Variants in THSD4 observed in about 807,000 individuals in gnomAD.
The protein encoded by THSD4 is thrombospondin type 1 domain containing 4, also known as thrombospondin type-1 domain-containing protein 4.
THSD4 carries 69 observed loss-of-function variants against 119.0 expected under a neutral mutation model. The ratio of observed to expected loss-of-function variants is 0.58; its 90% confidence interval spans 0.48 to 0.71. The LOEUF is 0.71. Ranked by LOEUF, THSD4 falls within the 30% of genes least tolerant of loss-of-function variation. THSD4 has a pLI of 0.00. For synonymous variants in THSD4, 524 were observed against 540.4 expected (o/e 0.97, Z 0.42); for missense variants, 1,393 against 1,391.1 (o/e 1.00, Z -0.02).
chr15:71,277,306 A>G (rs183481239), intron 6 of THSD4, among the ~76,000 whole-genome samples: 166 of 152,010 alleles, frequency 1.1e-3, no homozygotes, highest in African/African-American at 3.8e-3. Context: ...TTGTATTTGT[A>G]GTAGAGACAG....
At chr15:71,377,907 CACACACAA>C (rs1437565183) in intron 6 of THSD4, among the ~76,000 whole-genome samples, 2 of 86,314 alleles carry the variant, frequency 2.3e-5, no homozygotes, top group Non-Finnish European at 4.9e-5. Flanking sequence ...CACACACACA[CACACACAA>C]TTTCCTTCAG....
At chr15:71,375,040 A>G (rs934693792) in intron 6 of THSD4, among the ~76,000 whole-genome samples, 7 of 152,216 alleles carry the variant, frequency 4.6e-5, no homozygotes, top group African/African-American at 9.6e-5. Flanking sequence ...AGACAAATCC[A>G]CATCTCCTCA....
intron 7 of THSD4, among the ~76,000 whole-genome samples, chr15:71,639,196 T>C (rs1942007744): frequency 6.6e-6 from 1 of 152,208 alleles, no homozygotes; most frequent in Admixed American, 6.5e-5. Context: ...ACATCAATAA[T>C]GGCTAACAGA....
At chr15:71,109,261 C>T (rs975652257) in intron 1 of THSD4, among the ~76,000 whole-genome samples, 2 of 152,128 alleles carry the variant, frequency 1.3e-5, no homozygotes, top group Non-Finnish European at 2.9e-5. Flanking sequence ...CAAGACACAT[C>T]GTGGGGAGTT....
chr15:71,166,164 G>A (rs903275618), intron 3 of THSD4, among the ~76,000 whole-genome samples: 7 of 152,250 alleles, frequency 4.6e-5, no homozygotes, highest in African/African-American at 1.7e-4. Flanking sequence ...CTAGGGAATA[G>A]GGTACCTGAT....
At chr15:71,386,000 A>T (rs527929699) in intron 6 of THSD4, among the ~76,000 whole-genome samples, 42 of 152,342 alleles carry the variant, frequency 2.8e-4, no homozygotes, top group African/African-American at 9.1e-4. Flanking sequence ...GAGGAAAGTG[A>T]TGCTTAAGTA....
intron 7 of THSD4, among the ~76,000 whole-genome samples, chr15:71,490,566 A>AAAG (rs1289823462): frequency 1.7e-4 from 26 of 149,478 alleles, no homozygotes; most frequent in African/African-American, 6.4e-4. Context: ...TCTCAAAAAA[A>AAAG]AAAAAAAAAA....
intron 7 of THSD4, among the ~76,000 whole-genome samples, chr15:71,473,457 G>T (rs2047612501): frequency 6.6e-6 from 1 of 152,188 alleles, no homozygotes; most frequent in Non-Finnish European, 1.5e-5. Flanking sequence ...CCTGAGCACG[G>T]AATTACTTGG....
intron 8 of THSD4, among the ~76,000 whole-genome samples, chr15:71,713,141 T>C (rs184835436): frequency 2.3e-3 from 344 of 152,340 alleles, no homozygotes; most frequent in African/African-American, 7.7e-3. Flanking sequence ...AAACAGTGAC[T>C]GGAATCGTCT....
At chr15:71,476,353 T>C (rs2047655156) in intron 7 of THSD4, among the ~76,000 whole-genome samples, 1 of 152,196 alleles carries the variant, frequency 6.6e-6, no homozygotes, top group African/African-American at 2.4e-5. Flanking sequence ...TGCCTCAGCC[T>C]CCAGAGTAGT....
intron 8 of THSD4, among the ~76,000 whole-genome samples, chr15:71,679,605 A>T (rs983197545): frequency 6.6e-6 from 1 of 152,384 alleles, no homozygotes; most frequent in African/African-American, 2.4e-5. Context: ...AGAAGGAAGA[A>T]TGTGAGGCAT....
chr15:71,142,202 G>A (rs916768359), intron 2 of THSD4, among the ~76,000 whole-genome samples: 6 of 151,856 alleles, frequency 4.0e-5, no homozygotes, highest in East Asian at 1.9e-4. Context: ...TTTCACCTGC[G>A]TTTTAAAATT....
At chr15:71,207,581 C>T (rs1176595331) in intron 3 of THSD4, among the ~76,000 whole-genome samples, 1 of 152,194 alleles carries the variant, frequency 6.6e-6, no homozygotes, top group Non-Finnish European at 1.5e-5. Flanking sequence ...CAGTACTGGG[C>T]CGCAGCCTGT....
chr15:71,183,493 G>A (rs766081194), intron 3 of THSD4, among the ~76,000 whole-genome samples: 8 of 151,732 alleles, frequency 5.3e-5, no homozygotes, highest in Admixed American at 1.3e-4. Context: ...TAAAATGAGG[G>A]TGATAATAGT....
upstream of THSD4, chr15:71,111,132 C>T: frequency 6.3e-7 from 1 of 1,595,982 alleles, no homozygotes; most frequent in Non-Finnish European, 8.5e-7. Flanking sequence ...TTGTCTTGTA[C>T]CAGGTAACAA....
intron 7 of THSD4, among the ~76,000 whole-genome samples, chr15:71,552,948 A>C (rs1229908659): frequency 6.6e-6 from 1 of 152,214 alleles, no homozygotes; most frequent in Non-Finnish European, 1.5e-5. Flanking sequence ...ATTTTTTTAC[A>C]TTATAAAAAC....
Position 71,215,327 on chromosome 15 carries a change from G to A in THSD4, c.392G>A (p.Arg131His), listed in dbSNP as rs1197511713. The change falls in exon 4 of 18, where the codon CGC becomes CAC. Residue 131 changes from arginine to histidine, a missense_variant. Physicochemically the swap from Arg to His is conservative, Grantham distance 29 (BLOSUM62 0). Transcript: ENST00000261862. ...TPALAGTDAS[R>H]QGPTVLRGSR... ...GCGCTGGCCGGTACGGACGCCAGCC[G>A]CCAGGGCCCCACGGTGCTGCGAGGC... 2.6e-6 allele frequency: 4 copies of A among 1,530,112 alleles called. No homozygotes were observed. Among genetic ancestry groups the A allele is most frequent in the Admixed American group, 2.0e-5 (1 of 50,808 alleles). 94.8% of individuals were successfully genotyped at this position (1,530,112 alleles called of 1,614,324 possible). A position where few individuals can be genotyped will look rare whatever the true frequency, so the allele number is the denominator to read the frequency against.
intron 6 of THSD4, among the ~76,000 whole-genome samples, chr15:71,297,367 G>A (rs967982075): frequency 1.0e-4 from 15 of 148,032 alleles, no homozygotes; most frequent in Admixed American, 5.5e-4. Flanking sequence ...ACGGAATCTC[G>A]CTCTGTAACC....
At chr15:71,588,776 G>A (rs1014527022) in intron 7 of THSD4, among the ~76,000 whole-genome samples, 1 of 152,196 alleles carries the variant, frequency 6.6e-6, no homozygotes, top group Non-Finnish European at 1.5e-5. Flanking sequence ...GGCAGTATGG[G>A]GCTGGGGTAG....
Sources: gnomAD v4.1 joint callset for allele counts (sites outside exome capture counted in the v4.1 genomes callset) on GRCh38, gnomAD v4.1.1 for gene constraint, MANE v1.5 for transcripts, NCBI Gene and HGNC (gene_info 2026-07-23, HGNC 2026-07-21) for gene names.